The following TBX20 variants were observed in gnomAD, a reference collection of about 807,000 sequenced individuals.
TBX20 encodes T-box transcription factor TBX20.
TBX20 carries 8 observed loss-of-function variants against 42.9 expected under a neutral mutation model. That is an observed-to-expected ratio of 0.19 (90% CI 0.11 to 0.34). The LOEUF is 0.34. TBX20 is among the 10% of genes least tolerant of loss of function. TBX20 has a pLI of 1.00. For missense variants in TBX20, 411 were observed against 566.0 expected (o/e 0.73, Z 2.78); for synonymous variants, 198 against 222.8 (o/e 0.89, Z 0.99).
intron 3 of TBX20, among the ~76,000 whole-genome samples, chr7:35,247,352 T>G (rs1790213996): frequency 6.6e-6 from 1 of 151,960 alleles, no homozygotes; most frequent in Non-Finnish European, 1.5e-5. Flanking sequence ...TATAAACTGG[T>G]GAATCTTGCT....
intron 6 of TBX20, among the ~76,000 whole-genome samples, chr7:35,228,403 A>C (rs1284304740): frequency 1.3e-5 from 2 of 152,140 alleles, no homozygotes; most frequent in Non-Finnish European, 2.9e-5. Flanking sequence ...TGCATAAGAA[A>C]GTATCTGAAA....
In TBX20 at chr7:35,239,530, C is replaced by T. The variant is rs867201626; in HGVS notation, c.813+1349G>A. On this transcript the variant is annotated intron_variant, in intron 5 of 7. Coordinates refer to ENST00000408931, the MANE Select transcript of TBX20 (RefSeq NM_001077653.2). The stretch of plus-strand genomic sequence containing the variant: ...ATGAAAAGGAATTCTATTTCTGGTC[C>T]GTTCTGATGGAGAGAAGTTACTCAC... Among the ~76,000 whole-genome samples, 5 of 152,244 alleles carry T rather than the reference C, an allele frequency of 3.3e-5. No homozygotes were observed. The South Asian group carries it at 8.3e-4, about 25-fold the overall frequency.
In TBX20 at chr7:35,241,663, T is replaced by C. The variant is rs1455526133; in HGVS notation, c.655-626A>G. 2.0e-5 allele frequency among the ~76,000 whole-genome samples: 3 copies of C among 152,140 alleles called. No homozygotes were observed. In the East Asian group the frequency reaches 5.8e-4, roughly 29 times the overall value. On this transcript the variant is annotated intron_variant, in intron 4 of 7. Coordinates refer to ENST00000408931, the MANE Select transcript of TBX20 (RefSeq NM_001077653.2). ...ATGTGAACTGTATTATTATTAGTAA[T>C]AGAAGGAGTATTTATGACAGCTTCC...
At chr7:35,241,688 C>T (rs1480318984) in intron 4 of TBX20, among the ~76,000 whole-genome samples, 1 of 152,136 alleles carries the variant, frequency 6.6e-6, no homozygotes, top group Non-Finnish European at 1.5e-5. Flanking sequence ...TGACAGCTTC[C>T]TTGATTTCTA....
intron 6 of TBX20, among the ~76,000 whole-genome samples, chr7:35,217,140 C>T (rs926672233): frequency 2.6e-5 from 4 of 152,054 alleles, no homozygotes; most frequent in Non-Finnish European, 4.4e-5. Flanking sequence ...TTTTAAAAAG[C>T]TTTTAGGCTT....
intron 6 of TBX20, among the ~76,000 whole-genome samples, chr7:35,226,026 A>G (rs954298170): frequency 3.5e-4 from 54 of 152,314 alleles, no homozygotes; most frequent in African/African-American, 1.3e-3. Context: ...TGGGAAATGA[A>G]TACATTAGTA....
intron 7 of TBX20, 47 bp from the exon 8 acceptor site, chr7:35,202,817 C>A: frequency 1.1e-5 from 17 of 1,508,798 alleles, no homozygotes; most frequent in Non-Finnish European, 1.4e-5. Flanking sequence ...TGTCAATGTA[C>A]AGATCAAGAA....
At chr7:35,237,482 A>T (rs1789988597) in intron 5 of TBX20, among the ~76,000 whole-genome samples, 1 of 152,090 alleles carries the variant, frequency 6.6e-6, no homozygotes, top group Non-Finnish European at 1.5e-5. Flanking sequence ...ATATGCTTAA[A>T]GAGTGTTTAG....
intron 3 of TBX20, among the ~76,000 whole-genome samples, chr7:35,248,366 A>C (rs1347652445): frequency 6.6e-6 from 1 of 152,232 alleles, no homozygotes; most frequent in East Asian, 1.9e-4. Context: ...GAGGATGTCT[A>C]TATTTATATT....
At chr7:35,209,716 A>G (rs35403207) in intron 6 of TBX20, among the ~76,000 whole-genome samples, 5 of 152,008 alleles carry the variant, frequency 3.3e-5, no homozygotes, top group Non-Finnish European at 5.9e-5. Context: ...CTCATTCACT[A>G]TTGTCCTAGT....
At chr7:35,206,529 A>C (rs1456636730) in intron 6 of TBX20, among the ~76,000 whole-genome samples, 2 of 152,220 alleles carry the variant, frequency 1.3e-5, no homozygotes, top group African/African-American at 4.8e-5. Flanking sequence ...CCTAGACAAA[A>C]GAGTGAAACT....
At chr7:35,209,087 T>C (rs1224743467) in intron 6 of TBX20, among the ~76,000 whole-genome samples, 1 of 152,166 alleles carries the variant, frequency 6.6e-6, no homozygotes, top group Non-Finnish European at 1.5e-5. Context: ...TTATGACATA[T>C]TATCGTTTTT....
At position 35,241,821 on chromosome 7, in the gene TBX20, T is replaced by C. The variant is rs11978848; in HGVS notation, c.655-784A>G. ...TGTTAACAAGGCAGCCAATAGGTAG[T>C]ATTTTTCATATATCTTTTAAATAAA... On this transcript the variant is annotated intron_variant, in intron 4 of 7. Coordinates refer to ENST00000408931, the MANE Select transcript of TBX20 (RefSeq NM_001077653.2). Among the ~76,000 whole-genome samples, 543 of 152,320 alleles carry C rather than the reference T, an allele frequency of 3.6e-3. 1 individual carries two copies. Among genetic ancestry groups the C allele is most frequent in the African/African-American group, 0.012 (515 of 41,566 alleles).
At chr7:35,238,469 G>A (rs1790010305) in intron 5 of TBX20, among the ~76,000 whole-genome samples, 1 of 152,212 alleles carries the variant, frequency 6.6e-6, no homozygotes, top group Non-Finnish European at 1.5e-5. Flanking sequence ...CATGAGAAGT[G>A]TCTATGCCAT....
chr7:35,208,796 T>C (rs1039919853), intron 6 of TBX20, among the ~76,000 whole-genome samples: 5 of 96,258 alleles, frequency 5.2e-5, no homozygotes, highest in Non-Finnish European at 6.1e-5. Context: ...CAGACATCAA[T>C]AACTTGTTCT....
intron 6 of TBX20, among the ~76,000 whole-genome samples, chr7:35,220,593 C>G (rs967718486): frequency 6.6e-6 from 1 of 152,182 alleles, no homozygotes; most frequent in African/African-American, 2.4e-5. Flanking sequence ...ATGCATTGCC[C>G]CTTCTTCAAT....
intron 3 of TBX20, among the ~76,000 whole-genome samples, chr7:35,247,027 G>C (rs1219535549): frequency 2.6e-5 from 4 of 151,718 alleles, no homozygotes; most frequent in African/African-American, 7.3e-5. Context: ...TCTCCAACCA[G>C]AACAGATTAG....
chr7:35,253,737 G>C lies in TBX20; in HGVS notation c.-117C>G, dbSNP rs1389067954. The stretch of plus-strand genomic sequence containing the variant: ...AAGTTTCCGAGAGCAGTCACAGCGG[G>C]GCCAGGGACTCCAGAAGTGTCAGCT... On this transcript the variant is annotated 5_prime_UTR_variant, in exon 1 of 8. Transcript: ENST00000408931. 1.5e-6 allele frequency: 2 copies of C among 1,360,842 alleles called. No homozygotes were observed. The highest frequency in any genetic ancestry group is 1.4e-5 in the African/African-American group (1 of 69,062). 84.3% of individuals were successfully genotyped at this position (1,360,842 alleles called of 1,614,324 possible).
chr7:35,210,060 G>A (rs904743440), intron 6 of TBX20, among the ~76,000 whole-genome samples: 16 of 151,382 alleles, frequency 1.1e-4, no homozygotes, highest in Non-Finnish European at 2.4e-4. Flanking sequence ...GACTTCTTTT[G>A]CGTAGTGTAT....
Sources: allele counts gnomAD v4.1 joint callset (sites outside exome capture counted in the v4.1 genomes callset), GRCh38; gene constraint gnomAD v4.1.1; transcripts MANE v1.5; gene names NCBI Gene and HGNC (gene_info 2026-07-23, HGNC 2026-07-21).